CPB2: variants seen among roughly 807,000 people sequenced by gnomAD.
The protein encoded by CPB2 is carboxypeptidase B2.
Under a neutral mutation model 57.0 loss-of-function variants are expected in CPB2, and 54 were observed. That is an observed-to-expected ratio of 0.95 (90% CI 0.76 to 1.19). CPB2 has a LOEUF of 1.19. CPB2 is among the 50% of genes most tolerant of loss of function. The pLI is 0.00. For synonymous variants in CPB2, 189 were observed against 178.1 expected, an observed-to-expected ratio of 1.06 and a Z score of -0.49; for missense variants, 426 against 512.0, an observed-to-expected ratio of 0.83 and a Z score of 1.62.
In CPB2 at chr13:46,080,941, C is replaced by T. The variant is rs1016210479; in HGVS notation, c.384+1500G>A. Among the ~76,000 whole-genome samples the T allele has an allele frequency of 2.2e-5, 3 of 134,552 alleles. No individual in the cohort carries two copies. The Admixed American group carries it at 2.6e-4, about 11-fold the overall frequency. The allele number at this position is 134,552 out of a possible 152,430, so 88.3% of individuals were successfully genotyped here. ...GAGCCAAAATCATGCTATCGCACTCCAGCCTGGGTGACAGAGAGAAACTCT... is the reference window on the plus strand; with the variant it reads ...GAGCCAAAATCATGCTATCGCACTCTAGCCTGGGTGACAGAGAGAAACTCT... On this transcript the variant is annotated intron_variant, in intron 4 of 10. Coordinates refer to ENST00000181383, the MANE Select transcript of CPB2 (RefSeq NM_001872.5).
intron 1 of CPB2, among the ~76,000 whole-genome samples, chr13:46,088,804 T>C (rs1257193975): frequency 6.6e-6 from 1 of 152,194 alleles, no homozygotes; most frequent in Non-Finnish European, 1.5e-5. Flanking sequence ...TATTTTTGCT[T>C]ATATGTTATG....
chr13:46,055,815 T>C lies in CPB2; in HGVS notation c.1034A>G (p.Glu345Gly). ...LVASEAVRAI[E>G]KISKNTRYTH... ...ATACCTGGTATTTTTACTAATTTTC[T>C]CAATAGCACGAACTGCTTCACTGGC... The change falls in exon 10 of 11, where the codon GAG becomes GGG. Residue 345 changes from glutamate (E) to glycine (G), a missense_variant. Glu to Gly is a moderately conservative substitution (Grantham distance 98). Coordinates refer to ENST00000181383, the MANE Select transcript of CPB2 (RefSeq NM_001872.5). The C allele has an allele frequency of 6.2e-7, 1 of 1,602,270 alleles. No individual in the cohort carries two copies. Among genetic ancestry groups the C allele is most frequent in the Non-Finnish European group, 8.5e-7 (1 of 1,172,108 alleles).
chr13:46,075,294 AGAAAATCTTAAGTTGTCT>A (rs1296043355), intron 5 of CPB2, among the ~76,000 whole-genome samples: 1 of 152,208 alleles, frequency 6.6e-6, no homozygotes, highest in Non-Finnish European at 1.5e-5. Context: ...CTCAATGCAA[AGAAAATCTTAAGTTGTCT>A]GGATTCGTTA....
intron 3 of CPB2, among the ~76,000 whole-genome samples, chr13:46,082,822 A>G (rs1216107898): frequency 2.0e-5 from 3 of 152,212 alleles, no homozygotes; most frequent in Admixed American, 6.5e-5. Context: ...CACCATTACC[A>G]ACATTACTCA....
intron 10 of CPB2, among the ~76,000 whole-genome samples, chr13:46,054,197 G>GT (rs1357404654): frequency 2.0e-5 from 3 of 152,216 alleles, no homozygotes; most frequent in East Asian, 1.9e-4. Context: ...CTTAATTTAT[G>GT]TTTTTTGATT....
chr13:46,093,688 A>G (rs1273004827), intron 1 of CPB2, among the ~76,000 whole-genome samples: 1 of 152,212 alleles, frequency 6.6e-6, no homozygotes, highest in African/African-American at 2.4e-5. Flanking sequence ...AAATCAGGAG[A>G]AAATTATACA....
chr13:46,064,825 C>A, intron 7 of CPB2, 84 bp from the exon 8 acceptor site: 1 of 1,027,770 alleles, frequency 9.7e-7, no homozygotes. Flanking sequence ...GTCCATGAAG[C>A]CAGAATTGCC....
chr13:46,091,250 A>T (rs1377619029), intron 1 of CPB2, among the ~76,000 whole-genome samples: 1 of 152,144 alleles, frequency 6.6e-6, no homozygotes, highest in Admixed American at 6.5e-5. Flanking sequence ...ACACACTATT[A>T]GGTTGGTGCA....
At chr13:46,060,076 G>A (rs146539716) in intron 8 of CPB2, among the ~76,000 whole-genome samples, 133 of 152,268 alleles carry the variant, frequency 8.7e-4, no homozygotes, top group Non-Finnish European at 1.7e-3. Context: ...GAGAGGTGGT[G>A]CCCTAATATG....
At chr13:46,100,411 T>G (rs2045419554) in intron 1 of CPB2, 1 of 152,196 alleles carries the variant, frequency 6.6e-6, no homozygotes, top group South Asian at 2.1e-4. Context: ...GTTTCATGAC[T>G]GCTTCCCCTT....
chr13:46,084,278 T>C lies in CPB2; in HGVS notation c.216A>G (p.Val72=). The part of the protein sequence containing the change: ...IVKKKQVHFF[V]NASDVDNVKA... ...TCACATTGTCGACATCAGATGCATT[T>C]ACAAAAAAATGGACTTGTTTTTTCT... Residue 72 remains valine, a synonymous_variant, in exon 3 of 11, where the codon GTA becomes GTG. Transcript: ENST00000181383. 1 of 1,614,130 alleles carries C rather than the reference T, an allele frequency of 6.2e-7. No individual in the cohort carries two copies. The highest frequency in any genetic ancestry group is 8.5e-7 in the Non-Finnish European group (1 of 1,180,000).
intron 10 of CPB2, among the ~76,000 whole-genome samples, chr13:46,054,603 G>C (rs1398658442): frequency 6.6e-6 from 1 of 152,026 alleles, no homozygotes; most frequent in Non-Finnish European, 1.5e-5. Flanking sequence ...TTATGGCAAA[G>C]TCTGACCCAA....
At chr13:46,066,962 C>A (rs1371526000) in intron 7 of CPB2, among the ~76,000 whole-genome samples, 1 of 141,898 alleles carries the variant, frequency 7.0e-6, no homozygotes, top group East Asian at 2.0e-4. Context: ...TTTCAGAGTT[C>A]TTTTTTTTTT....
intron 2 of CPB2, among the ~76,000 whole-genome samples, 194 bp from the exon 3 acceptor site, chr13:46,084,537 T>C (rs2045170141): frequency 6.6e-6 from 1 of 151,850 alleles, no homozygotes; most frequent in Non-Finnish European, 1.5e-5. Context: ...TTTCTATAAC[T>C]CTAGTTGCTA....
intron 3 of CPB2, among the ~76,000 whole-genome samples, chr13:46,083,212 G>T (rs551889159): frequency 1.1e-4 from 16 of 152,038 alleles, no homozygotes; most frequent in Non-Finnish European, 1.6e-4. Flanking sequence ...AATAAAAGCC[G>T]CAGTGTTGAC....
In CPB2 at chr13:46,082,532, A is replaced by ACGTCTGC; in HGVS notation, c.292_293insGCAGACG (p.Val98GlyfsTer26). 1 of 1,613,248 alleles carries ACGTCTGC rather than the reference A, an allele frequency of 6.2e-7. No individual in the cohort carries two copies. The highest frequency in any genetic ancestry group is 1.7e-4 in the Middle Eastern group (1 of 6,060). ...AATCTGCTGTTGAATAAGATCTTCC[A>ACGTCTGC]CATCTGCCAGCAAGACACTAGGTGA... On this transcript the variant is annotated frameshift_variant, in exon 4 of 11. Transcript: ENST00000181383. LOFTEE classifies it high-confidence loss of function.
At chr13:46,057,573 C>G (rs2044714051) in intron 9 of CPB2, among the ~76,000 whole-genome samples, 1 of 152,142 alleles carries the variant, frequency 6.6e-6, no homozygotes, top group East Asian at 1.9e-4. Flanking sequence ...TTGCCATGAA[C>G]CCAAACATAC....
At chr13:46,102,416 T>A (rs2045445278) in intron 1 of CPB2, among the ~76,000 whole-genome samples, 1 of 152,098 alleles carries the variant, frequency 6.6e-6, no homozygotes, top group Admixed American at 6.6e-5. Flanking sequence ...CATATGATAT[T>A]TATGCCTTTA....
intron 8 of CPB2, among the ~76,000 whole-genome samples, chr13:46,061,095 TA>T (rs1420986167): frequency 2.0e-5 from 3 of 152,148 alleles, no homozygotes; most frequent in Non-Finnish European, 2.9e-5. Flanking sequence ...TTGGGACAAT[TA>T]AAAAATTTTA....
Sources: allele counts gnomAD v4.1 joint callset (sites outside exome capture counted in the v4.1 genomes callset), GRCh38; gene constraint gnomAD v4.1.1; transcripts MANE v1.5; gene names NCBI Gene and HGNC (gene_info 2026-07-23, HGNC 2026-07-21).